Variants in PTPN14 observed in about 807,000 individuals in gnomAD.
The protein encoded by PTPN14 is tyrosine-protein phosphatase non-receptor type 14.
PTPN14 carries 53 observed loss-of-function variants against 126.8 expected under a neutral mutation model. That is an observed-to-expected ratio of 0.42 (90% CI 0.34 to 0.53). The LOEUF (loss-of-function observed/expected upper bound fraction) is 0.53, where lower values mean the gene tolerates loss of function less well. Ranked by LOEUF, PTPN14 falls within the 20% of genes least tolerant of loss-of-function variation. The pLI is 0.08. For synonymous variants in PTPN14, 630 were observed against 599.3 expected (o/e 1.05, Z -0.75); for missense variants, 1,257 against 1,552.9 (o/e 0.81, Z 3.20).
chr1:214,511,328 T>C (rs1466800411), intron 1 of PTPN14, among the ~76,000 whole-genome samples: 1 of 152,278 alleles, frequency 6.6e-6, no homozygotes, highest in East Asian at 1.9e-4. Context: ...AACTCACACT[T>C]AAATTGTGTG....
chr1:214,394,051 A>G (rs981145872), intron 9 of PTPN14, among the ~76,000 whole-genome samples: 1 of 152,208 alleles, frequency 6.6e-6, no homozygotes, highest in Admixed American at 6.5e-5. Context: ...TCTTTATGTA[A>G]TTTCCGACCA....
intron 1 of PTPN14, among the ~76,000 whole-genome samples, chr1:214,527,050 C>T (rs112486171): frequency 0.014 from 2,130 of 151,572 alleles, 49 homozygotes; most frequent in African/African-American, 0.048. Flanking sequence ...AAGATCACGT[C>T]ATTGCACTCC....
chr1:214,364,807 T>TGTGTG lies in PTPN14; in HGVS notation c.3272-133_3272-132insCACAC. ...TGTGTGTGTGTGTGTGTGTGTGTGT[T>TGTGTG]TTAAGTGACAATAATTTATAGTTCT... On this transcript the variant is annotated intron_variant, in intron 17 of 18. Transcript: ENST00000366956. This position sits in a 1 kb window ranked among gnomAD's most constrained non-coding sequence, Gnocchi z 4.1. 5.8e-6 allele frequency: 2 copies of TGTGTG among 344,496 alleles called. No individual in the cohort carries two copies. Among genetic ancestry groups the TGTGTG allele is most frequent in the South Asian group, 1.1e-4 (2 of 17,396 alleles). 21.3% of individuals were successfully genotyped at this position (344,496 alleles called of 1,614,324 possible). A position where few individuals can be genotyped will look rare whatever the true frequency, so the allele number is the denominator to read the frequency against.
At chr1:214,432,894 T>A (rs190865246) in intron 3 of PTPN14, among the ~76,000 whole-genome samples, 21 of 152,274 alleles carry the variant, frequency 1.4e-4, no homozygotes, top group African/African-American at 4.6e-4. Context: ...GTGTGTTCAC[T>A]TTACAAAGAT....
intron 1 of PTPN14, among the ~76,000 whole-genome samples, chr1:214,524,168 G>A (rs985221854): frequency 4.0e-5 from 6 of 151,882 alleles, no homozygotes; most frequent in Non-Finnish European, 7.4e-5. Flanking sequence ...TCTATAGTAT[G>A]CTACATAAGA....
At chr1:214,399,494 T>A (rs1658967317) in intron 7 of PTPN14, among the ~76,000 whole-genome samples, 2 of 152,212 alleles carry the variant, frequency 1.3e-5, no homozygotes, top group South Asian at 4.1e-4. Flanking sequence ...TCGTTATACA[T>A]GCAATAATTT....
intron 1 of PTPN14, among the ~76,000 whole-genome samples, chr1:214,503,016 T>C (rs1654745494): frequency 6.6e-6 from 1 of 152,166 alleles, no homozygotes; most frequent in Admixed American, 6.5e-5. Context: ...ACAAAGTATC[T>C]CTAAAGGAAA....
At chr1:214,374,426 G>C (rs1398589845) in intron 15 of PTPN14, among the ~76,000 whole-genome samples, 1 of 152,196 alleles carries the variant, frequency 6.6e-6, no homozygotes, top group Non-Finnish European at 1.5e-5. Context: ...CCAACGTATA[G>C]GAAACATAAA....
rs1657820301 is a variant in PTPN14, at chr1:214,356,338, T to C, written c.*1584A>G. 1 of 152,138 alleles carries C rather than the reference T, an allele frequency of 6.6e-6. No individual in the cohort carries two copies. Among genetic ancestry groups the C allele is most frequent in the Non-Finnish European group, 1.5e-5 (1 of 68,052 alleles). The allele number at this position is 152,138 out of a possible 1,614,324, so 9.4% of individuals were successfully genotyped here. ...CCATGCCTTCCTCCACTGCCGCCTT[T>C]TTCCCAAGCTGAAAAGACAAGGAAG... is the stretch of plus-strand genomic sequence containing the variant. On this transcript the variant is annotated 3_prime_UTR_variant, in exon 19 of 19. Transcript: ENST00000366956.
rs770362311 is a variant in PTPN14, at chr1:214,376,404, T to C, written c.2722A>G (p.Met908Val). The C allele has an allele frequency of 1.7e-5, 28 of 1,613,782 alleles. No individual in the cohort carries two copies. Among genetic ancestry groups the C allele is most frequent in the Non-Finnish European group, 2.3e-5 (27 of 1,179,778 alleles). Residue 908 changes from methionine (M) to valine (V), a missense_variant, in exon 15 of 19, where the codon ATG becomes GTG. Met to Val is a conservative substitution (Grantham distance 21). Around this residue, in one of 3 missense-constraint regions of PTPN14, gnomAD observed 65 missense variants for 139.7 expected, o/e 0.47. Coordinates refer to ENST00000366956, the MANE Select transcript of PTPN14 (RefSeq NM_005401.5). ...RTLKKKLEEG[M>V]VFTEYEQIPK... Reference sequence around the variant, plus strand: ...ATTTGCTCATATTCTGTGAACACCATTCCCTCTTCTAGTTTCTTCTTCAGG... The same window carrying C: ...ATTTGCTCATATTCTGTGAACACCACTCCCTCTTCTAGTTTCTTCTTCAGG...
chr1:214,524,476 ACT>A (rs1165504729), intron 1 of PTPN14, among the ~76,000 whole-genome samples: 5 of 151,532 alleles, frequency 3.3e-5, no homozygotes. Context: ...AAAAAACAAG[ACT>A]CTGTCTCTAA....
chr1:214,361,308 C>A (rs1657950401), intron 18 of PTPN14, among the ~76,000 whole-genome samples: 1 of 152,168 alleles, frequency 6.6e-6, no homozygotes, highest in South Asian at 2.1e-4. Context: ...TCAATGTTGT[C>A]ACCATCACCA....
At chr1:214,550,740 G>C (rs1656087286) in intron 1 of PTPN14, among the ~76,000 whole-genome samples, 2 of 152,200 alleles carry the variant, frequency 1.3e-5, no homozygotes, top group East Asian at 3.9e-4. Flanking sequence ...CCTTCCCGGT[G>C]GTGGTGGGGT....
intron 1 of PTPN14, among the ~76,000 whole-genome samples, chr1:214,544,380 T>C (rs2102487037): frequency 6.6e-6 from 1 of 151,902 alleles, no homozygotes; most frequent in Non-Finnish European, 1.5e-5. Context: ...CAGTAAGCCA[T>C]GATCACCCCA....
At chr1:214,358,791 G>A (rs564504681) in intron 18 of PTPN14, among the ~76,000 whole-genome samples, 58 of 149,512 alleles carry the variant, frequency 3.9e-4, no homozygotes, top group African/African-American at 1.4e-3. Flanking sequence ...TGCCCAGGCT[G>A]GAGTGTAGTG....
intron 3 of PTPN14, among the ~76,000 whole-genome samples, chr1:214,440,088 A>G (rs892092218): frequency 6.6e-6 from 1 of 152,114 alleles, no homozygotes; most frequent in Non-Finnish European, 1.5e-5. Flanking sequence ...AATCCTATCT[A>G]TGGGCTCTCC....
intron 3 of PTPN14, among the ~76,000 whole-genome samples, chr1:214,429,741 T>A (rs960893759): frequency 6.6e-6 from 1 of 152,248 alleles, no homozygotes; most frequent in Non-Finnish European, 1.5e-5. Flanking sequence ...ATATTAATTA[T>A]GTAAAATTGT....
intron 1 of PTPN14, chr1:214,483,484 G>A (rs556940132): frequency 3.1e-4 from 238 of 776,712 alleles, no homozygotes; most frequent in African/African-American, 7.1e-4. Flanking sequence ...TTCCCCACCC[G>A]CCTCCAGTTA....
At chr1:214,470,993 C>A (rs1399097976) in intron 1 of PTPN14, among the ~76,000 whole-genome samples, 5 of 148,396 alleles carry the variant, frequency 3.4e-5, no homozygotes, top group African/African-American at 9.9e-5. Flanking sequence ...CCACGGCACT[C>A]CAGCCTGGGT....
Sources: allele counts gnomAD v4.1 joint callset (sites outside exome capture counted in the v4.1 genomes callset), GRCh38; gene constraint gnomAD v4.1.1; regional missense constraint gnomAD v4.1.1; non-coding constraint Gnocchi (gnomAD v3.1); transcripts MANE v1.5; gene names NCBI Gene and HGNC (gene_info 2026-07-23, HGNC 2026-07-21).